The following CARNMT1 variants were observed in gnomAD, a reference collection of about 807,000 sequenced individuals.
CARNMT1 encodes the protein protein-L-histidine N-pros-methyltransferase CARNMT1.
CARNMT1 carries 28 observed loss-of-function variants against 49.6 expected under a neutral mutation model. The ratio of observed to expected loss-of-function variants is 0.56; its 90% CI spans 0.42 to 0.77. The LOEUF is 0.77. Ranked by LOEUF, CARNMT1 falls within the 30% of genes least tolerant of loss-of-function variation. The probability of loss-of-function intolerance (pLI) is 0.00; values close to 1 mark genes in which losing one functional copy is unlikely to be tolerated. For missense variants in CARNMT1, 421 were observed against 512.6 expected (o/e 0.82, Z 1.73); for synonymous variants, 178 against 175.0 (o/e 1.02, Z -0.13).
intron 5 of CARNMT1, among the ~76,000 whole-genome samples, chr9:74,997,370 T>C (rs1030375704): frequency 2.6e-5 from 4 of 152,242 alleles, no homozygotes; most frequent in East Asian, 3.9e-4. Context: ...GTAAAATAAA[T>C]AAATAAATAA....
At chr9:75,027,251 G>A (rs778745676) in intron 1 of CARNMT1, 67 of 618,310 alleles carry the variant, frequency 1.1e-4, no homozygotes, top group Middle Eastern at 1.6e-3. Flanking sequence ...GGAAGTTAGG[G>A]AGCTGTTTTT....
chr9:74,990,132 G>A (rs992368260), intron 6 of CARNMT1, among the ~76,000 whole-genome samples: 1 of 152,144 alleles, frequency 6.6e-6, no homozygotes, highest in Non-Finnish European at 1.5e-5. Flanking sequence ...ATTGGTGAGA[G>A]GGGATCCCCC....
intron 1 of CARNMT1, among the ~76,000 whole-genome samples, chr9:75,026,044 C>A (rs724547): frequency 0.057 from 8,701 of 152,132 alleles, 284 homozygotes; most frequent in Middle Eastern, 0.095. Flanking sequence ...CTTTCTGTAC[C>A]CCTAGGCTTT....
At chr9:75,027,667 C>T (rs186978122) in intron 1 of CARNMT1, among the ~76,000 whole-genome samples, 36 of 152,336 alleles carry the variant, frequency 2.4e-4, no homozygotes, top group Admixed American at 2.1e-3. Context: ...GACGATTGTA[C>T]CACCATCGTC....
At chr9:75,018,236 G>T (rs1200644766) in intron 1 of CARNMT1, among the ~76,000 whole-genome samples, 4 of 151,808 alleles carry the variant, frequency 2.6e-5, no homozygotes, top group Admixed American at 6.6e-5. Context: ...TAATATTTTT[G>T]TATTTTTTTG....
intron 1 of CARNMT1, among the ~76,000 whole-genome samples, chr9:75,025,037 A>G (rs137986263): frequency 6.6e-6 from 1 of 152,224 alleles, no homozygotes; most frequent in African/African-American, 2.4e-5. Flanking sequence ...TATCAATACT[A>G]TAAGTTTACA....
At chr9:74,990,796 A>T (rs922954585) in intron 6 of CARNMT1, among the ~76,000 whole-genome samples, 2 of 152,212 alleles carry the variant, frequency 1.3e-5, no homozygotes, top group Non-Finnish European at 2.9e-5. Flanking sequence ...AACAGGAACT[A>T]GCTTAAAGGG....
chr9:75,012,871 T>C lies in CARNMT1; in HGVS notation c.590+3397A>G, dbSNP rs531223877. On this transcript the variant is annotated intron_variant, in intron 3 of 7. Coordinates refer to ENST00000376834, the MANE Select transcript of CARNMT1 (RefSeq NM_152420.3). ...AGGCGGAGGTTGCAGTGAGCCGAGA[T>C]CGTGCCACTGCACTCCAGCCTGGGC... Among the ~76,000 whole-genome samples the C allele has an allele frequency of 3.0e-3, 444 of 150,460 alleles. 1 individual carries two copies. The highest frequency in any genetic ancestry group is 4.8e-3 in the Non-Finnish European group (325 of 67,712).
At chr9:75,004,733 T>C (rs1564098554) in intron 3 of CARNMT1, among the ~76,000 whole-genome samples, 1 of 152,226 alleles carries the variant, frequency 6.6e-6, no homozygotes, top group Non-Finnish European at 1.5e-5. Flanking sequence ...TTTTTCCTAA[T>C]GCCCAACTAT....
intron 6 of CARNMT1, among the ~76,000 whole-genome samples, chr9:74,987,099 C>G (rs527943872): frequency 1.3e-5 from 2 of 152,284 alleles, no homozygotes; most frequent in South Asian, 4.1e-4. Context: ...TGACCTGATT[C>G]AGAATGCCAA....
At position 75,017,375 on chromosome 9, in the gene CARNMT1, G is replaced by T. The variant is rs1167279033; in HGVS notation, c.304C>A (p.Leu102Ile). Residue 102 changes from leucine (L) to isoleucine (I), a missense_variant, in exon 2 of 8, where the codon CTT (leucine) becomes ATT (isoleucine). Transcript: ENST00000376834. ...TCCAAGTGAAGAAGAAACTGAGGAAGTAGTTTCTGTTGGTTAGCTGGAAGT... is the reference window on the plus strand; with the variant it reads ...TCCAAGTGAAGAAGAAACTGAGGAATTAGTTTCTGTTGGTTAGCTGGAAGT... ...RSLPANQQKL[L>I]PQFLLHLDKI... 6.2e-7 allele frequency: 1 copy of T among 1,613,766 alleles called. No individual in the cohort carries two copies. Among genetic ancestry groups the T allele is most frequent in the Non-Finnish European group, 8.5e-7 (1 of 1,179,658 alleles).
At chr9:75,000,777 A>AT (rs1833330297) in intron 3 of CARNMT1, among the ~76,000 whole-genome samples, 1 of 152,134 alleles carries the variant, frequency 6.6e-6, no homozygotes, top group Admixed American at 6.5e-5. Context: ...CCTACTAATG[A>AT]TTTTTTTATC....
chr9:75,002,204 C>T (rs911368953), intron 3 of CARNMT1, among the ~76,000 whole-genome samples: 3 of 152,198 alleles, frequency 2.0e-5, no homozygotes, highest in African/African-American at 7.2e-5. Context: ...CTTTCTGCTC[C>T]AGCTTTTTCA....
intron 3 of CARNMT1, among the ~76,000 whole-genome samples, chr9:75,009,218 TA>T (rs1351262691): frequency 6.6e-6 from 1 of 152,118 alleles, no homozygotes; most frequent in African/African-American, 2.4e-5. Context: ...AACCTTATTT[TA>T]AAAAGTTTTT....
Position 74,999,860 on chromosome 9 carries a change from T to C in CARNMT1, c.601A>G (p.Lys201Glu). ...NFPKERWDPS[K>E]VNILVPGAGL... The stretch of plus-strand genomic sequence containing the variant: ...GCACCAGGTACCAGAATATTTACTT[T>C]AGAAGGATCCCTGAAATGAAATAAG... The change falls in exon 4 of 8, where the codon AAA (lysine) becomes GAA (glutamate). Residue 201 changes from lysine (K) to glutamate (E), a missense_variant. By Grantham distance (56) the Lys-to-Glu change is moderately conservative. Transcript: ENST00000376834. 6.2e-7 allele frequency: 1 copy of C among 1,605,592 alleles called. No individual in the cohort carries two copies. The highest frequency in any genetic ancestry group is 1.3e-5 in the African/African-American group (1 of 74,612).
chr9:75,006,548 G>T (rs1833516887), intron 3 of CARNMT1, among the ~76,000 whole-genome samples: 1 of 152,028 alleles, frequency 6.6e-6, no homozygotes, highest in African/African-American at 2.4e-5. Context: ...ACAAAAAACA[G>T]TGTAATAGAT....
intron 3 of CARNMT1, among the ~76,000 whole-genome samples, chr9:75,002,265 C>T (rs781229800): frequency 6.6e-6 from 1 of 152,296 alleles, no homozygotes; most frequent in East Asian, 1.9e-4. Flanking sequence ...ACACACAGAA[C>T]GATCTTTGCA....
intron 3 of CARNMT1, among the ~76,000 whole-genome samples, chr9:75,011,030 C>A (rs933036502): frequency 1.3e-5 from 2 of 150,840 alleles, no homozygotes; most frequent in Admixed American, 1.3e-4. Context: ...AAAAAAAAAA[C>A]ATGTAACATG....
chr9:75,005,767 C>T (rs945967653), intron 3 of CARNMT1, among the ~76,000 whole-genome samples: 5 of 150,796 alleles, frequency 3.3e-5, no homozygotes, highest in African/African-American at 9.7e-5. Flanking sequence ...GCCACCGAGC[C>T]CGGCAAGTAT....
Sources: allele counts gnomAD v4.1 joint callset (sites outside exome capture counted in the v4.1 genomes callset), GRCh38; gene constraint gnomAD v4.1.1; transcripts MANE v1.5; gene names NCBI Gene and HGNC (gene_info 2026-07-23, HGNC 2026-07-21).